LRRC37A: variants seen among roughly 807,000 people sequenced by gnomAD.
The protein encoded by LRRC37A is leucine-rich repeat-containing protein 37A.
LRRC37A carries 3 observed loss-of-function variants against 35.4 expected under a neutral mutation model. The ratio of observed to expected loss-of-function variants is 0.08; its 90% CI spans 0.04 to 0.22. The LOEUF is 0.22. Among genes scored for constraint, LRRC37A ranks in the 10% least tolerant of loss-of-function variants. The probability of loss-of-function intolerance (pLI) is 1.00; values close to 1 mark genes in which losing one functional copy is unlikely to be tolerated. For synonymous variants in LRRC37A, 23 were observed against 215.0 expected (o/e 0.11, Z 7.81); for missense variants, 67 against 565.3 (o/e 0.12, Z 8.94).
At chr17:46,278,407 TTTTTGTTG>T in the LRRC37A span, among the ~76,000 whole-genome samples, 15,358 of 145,042 alleles carry the variant, frequency 0.11, no homozygotes, top group Middle Eastern at 0.16. Flanking sequence ...TTTTGTTTTT[TTTTTGTTG>T]TTGTTTTAAG....
At chr17:46,263,626 G>C in the LRRC37A span, among the ~76,000 whole-genome samples, 1 of 150,130 alleles carries the variant, frequency 6.7e-6, no homozygotes, top group Non-Finnish European at 1.5e-5. Flanking sequence ...AGGCTGAGCC[G>C]GGCAGATCAC....
At chr17:46,277,637 T>TCTTCCTTCCTTCC in the LRRC37A span, among the ~76,000 whole-genome samples, 31 of 150,356 alleles carry the variant, frequency 2.1e-4, no homozygotes, top group Admixed American at 6.0e-4. Context: ...TTTTCTTTTC[T>TCTTCCTTCCTTCC]TTTCTTTCTT....
At chr17:46,332,462 A>G in intron 9 of LRRC37A, 90 bp from the exon 10 acceptor site, 3 of 515,610 alleles carry the variant, frequency 5.8e-6, no homozygotes, top group South Asian at 5.7e-5. Context: ...AAAAAAATAA[A>G]AAAGAACCTG....
the LRRC37A span, among the ~76,000 whole-genome samples, chr17:46,267,893 C>CTTTTTTTTTTTTTTTTTTTTTTT: frequency 6.7e-5 from 6 of 89,268 alleles, no homozygotes; most frequent in Non-Finnish European, 9.8e-5. Flanking sequence ...ACTCCCACAT[C>CTTTTTTTTTTTTTTTTTTTTTTT]TTTTTTTTTT....
At chr17:46,269,951 C>A in the LRRC37A span, among the ~76,000 whole-genome samples, 1 of 152,198 alleles carries the variant, frequency 6.6e-6, no homozygotes, top group African/African-American at 2.4e-5. Flanking sequence ...CAAGTGAATT[C>A]TAAACATTTT....
the LRRC37A span, among the ~76,000 whole-genome samples, chr17:46,260,804 G>A: frequency 6.6e-6 from 1 of 152,010 alleles, no homozygotes; most frequent in Non-Finnish European, 1.5e-5. Context: ...TGTATTTTTA[G>A]TAGAGACGGG....
upstream of LRRC37A, chr17:46,293,494 C>T (rs531669685): frequency 8.5e-6 from 2 of 236,662 alleles, 1 homozygote; most frequent in East Asian, 3.4e-4. Flanking sequence ...TGACACATTT[C>T]TCAAGCTCCT....
the LRRC37A span, among the ~76,000 whole-genome samples, chr17:46,265,372 C>CCTT: frequency 0.13 from 19,091 of 143,554 alleles, 2,055 homozygotes; most frequent in Non-Finnish European, 0.2. Context: ...TCCTTCTTCT[C>CCTT]CTTCTTCTTT....
Position 46,327,988 on chromosome 17 carries a change from A to G in LRRC37A, c.3054-404A>G, listed in dbSNP as rs1267040419. The stretch of plus-strand genomic sequence containing the variant: ...AGGTTAAACTATTTTTAATGCCCAG[A>G]GTAATTTATAATATTTCCCACTCCC... On this transcript the variant is annotated intron_variant, in intron 7 of 13. Coordinates refer to ENST00000320254, the Ensembl canonical transcript of LRRC37A. Among the ~76,000 whole-genome samples the G allele has an allele frequency of 1.1e-4, 7 of 65,172 alleles. 3 individuals carry two copies. The highest frequency in any genetic ancestry group is 2.4e-4 in the African/African-American group (7 of 28,984). The allele number at this position is 65,172 out of a possible 152,430, so 42.8% of individuals were successfully genotyped here. A position where few individuals can be genotyped will look rare whatever the true frequency, so the allele number is the denominator to read the frequency against.
the LRRC37A span, chr17:46,267,120 A>C: frequency 4.4e-6 from 2 of 459,102 alleles, no homozygotes; most frequent in Non-Finnish European, 7.5e-6. Context: ...GCGGGCATGG[A>C]CGGGCGAGAG....
chr17:46,257,942 T>G, the LRRC37A span, among the ~76,000 whole-genome samples: 1 of 152,212 alleles, frequency 6.6e-6, no homozygotes, highest in Non-Finnish European at 1.5e-5. Flanking sequence ...CTCAGTTCTC[T>G]TGGGATGTTT....
rs1461102544 is a variant in LRRC37A at position 46,325,880 on chromosome 17, G to A, written c.3054-2512G>A. On this transcript the variant is annotated intron_variant, in intron 7 of 13. Transcript: ENST00000320254. ...ACTGATTCCAGATGAAAGTTATACAGGTGTTCATTATACCATTTGAAAATG... is the reference window on the plus strand; with the variant it reads ...ACTGATTCCAGATGAAAGTTATACAAGTGTTCATTATACCATTTGAAAATG... Among the ~76,000 whole-genome samples, 2 of 70,782 alleles carry A rather than the reference G, an allele frequency of 2.8e-5. 1 individual carries two copies. The highest frequency in any genetic ancestry group is 6.5e-5 in the African/African-American group (2 of 30,892). 46.4% of individuals were successfully genotyped at this position (70,782 alleles called of 152,430 possible).
the LRRC37A span, among the ~76,000 whole-genome samples, chr17:46,275,764 T>C: frequency 2.0e-5 from 3 of 152,244 alleles, no homozygotes; most frequent in Non-Finnish European, 4.4e-5. Context: ...TGTATGTGTG[T>C]GTTTATTTAC....
At chr17:46,251,836 T>C in the LRRC37A span, among the ~76,000 whole-genome samples, 1 of 151,632 alleles carries the variant, frequency 6.6e-6, no homozygotes. Context: ...GGGTGTAATA[T>C]GGCCCTCATG....
the LRRC37A span, among the ~76,000 whole-genome samples, chr17:46,270,885 G>A: frequency 6.6e-6 from 1 of 152,238 alleles, no homozygotes; most frequent in Non-Finnish European, 1.5e-5. Flanking sequence ...GGGCAACAGA[G>A]CGAGACTCTG....
chr17:46,271,723 T>TAAAA, the LRRC37A span, among the ~76,000 whole-genome samples: 18 of 152,362 alleles, frequency 1.2e-4, 1 homozygote, highest in East Asian at 3.5e-3. Flanking sequence ...CCATTTGGAA[T>TAAAA]ATAAAAAGGT....
the LRRC37A span, among the ~76,000 whole-genome samples, chr17:46,284,849 T>C: frequency 2.6e-5 from 4 of 152,356 alleles, no homozygotes; most frequent in African/African-American, 7.2e-5. Context: ...AAAGTTTCAA[T>C]CCAATGCACT....
chr17:46,274,178 G>C, the LRRC37A span, among the ~76,000 whole-genome samples: 1 of 152,206 alleles, frequency 6.6e-6, no homozygotes, highest in African/African-American at 2.4e-5. Flanking sequence ...CACATTCAAA[G>C]ACACCTCTGT....
chr17:46,256,097 A>T, the LRRC37A span, among the ~76,000 whole-genome samples: 1 of 152,074 alleles, frequency 6.6e-6, no homozygotes, highest in African/African-American at 2.4e-5. Context: ...AAAAGAAAAG[A>T]CCAGGTGGTC....
Sources: gnomAD v4.1 joint callset for allele counts (sites outside exome capture counted in the v4.1 genomes callset) on GRCh38, gnomAD v4.1.1 for gene constraint, MANE v1.5 for transcripts, NCBI Gene and HGNC (gene_info 2026-07-23, HGNC 2026-07-21) for gene names.